TTLL1: variants seen among roughly 807,000 people sequenced by gnomAD.
TTLL1 encodes polyglutamylase complex subunit TTLL1.
In TTLL1, 33 loss-of-function variants were observed where a neutral mutation model predicts 47.8. That is an observed-to-expected ratio of 0.69 (90% CI 0.52 to 0.92). TTLL1 has a LOEUF of 0.92. Ranked by LOEUF, TTLL1 falls within the 40% of genes least tolerant of loss-of-function variation. The probability of loss-of-function intolerance (pLI) is 0.00; values close to 1 mark genes in which losing one functional copy is unlikely to be tolerated. For missense variants in TTLL1, 488 were observed against 547.5 expected (o/e 0.89, Z 1.08); for synonymous variants, 225 against 214.1 (o/e 1.05, Z -0.45).
intron 10 of TTLL1, among the ~76,000 whole-genome samples, chr22:43,040,938 TTC>T (rs1185573314): frequency 6.6e-6 from 1 of 152,142 alleles, no homozygotes; most frequent in Admixed American, 6.5e-5. Flanking sequence ...GGCGGGGCCC[TTC>T]TCTCACGGGG....
At chr22:43,050,663 C>T (rs1926555350) in intron 9 of TTLL1, among the ~76,000 whole-genome samples, 1 of 151,944 alleles carries the variant, frequency 6.6e-6, no homozygotes, top group Non-Finnish European at 1.5e-5. Context: ...GCTGGGATTA[C>T]AGGTGCACAC....
At chr22:43,046,854 A>G (rs1926180470) in intron 9 of TTLL1, among the ~76,000 whole-genome samples, 1 of 152,036 alleles carries the variant, frequency 6.6e-6, no homozygotes, top group African/African-American at 2.4e-5. Flanking sequence ...TATTTTTATT[A>G]GAGATGGGGT....
At chr22:43,060,431 T>G (rs1012932239) in intron 7 of TTLL1, among the ~76,000 whole-genome samples, 41 of 152,170 alleles carry the variant, frequency 2.7e-4, no homozygotes, top group African/African-American at 9.9e-4. Flanking sequence ...GGCAGAGGCC[T>G]CCACTGCAGC....
intron 5 of TTLL1, among the ~76,000 whole-genome samples, chr22:43,064,670 G>A (rs910108543): frequency 1.3e-5 from 2 of 152,180 alleles, no homozygotes; most frequent in Admixed American, 1.3e-4. Context: ...AGGTTGCAGT[G>A]AGCTGAGATG....
chr22:43,055,955 G>A (rs1053591607), intron 8 of TTLL1, among the ~76,000 whole-genome samples: 4 of 151,832 alleles, frequency 2.6e-5, no homozygotes, highest in African/African-American at 9.7e-5. Context: ...ATATTGCCCA[G>A]GCAGGTCTCG....
chr22:43,081,846 C>CT (rs58743481), intron 1 of TTLL1, among the ~76,000 whole-genome samples: 42 of 56,428 alleles, frequency 7.4e-4, no homozygotes, highest in Non-Finnish European at 9.3e-4. Context: ...CACACCTGGC[C>CT]TTTTTTTTTT....
intron 8 of TTLL1, among the ~76,000 whole-genome samples, chr22:43,058,724 C>T (rs756014438): frequency 6.0e-5 from 9 of 150,980 alleles, no homozygotes; most frequent in African/African-American, 1.5e-4. Context: ...GACAGAGTTT[C>T]GCTCCTGTTG....
chr22:43,042,115 G>A (rs912434539), intron 10 of TTLL1, among the ~76,000 whole-genome samples: 2 of 152,158 alleles, frequency 1.3e-5, no homozygotes, highest in African/African-American at 2.4e-5. Flanking sequence ...CCCCGTGTTT[G>A]CTTCCCTGGC....
At chr22:43,082,283 T>C (rs1480569283) in intron 1 of TTLL1, among the ~76,000 whole-genome samples, 2 of 152,138 alleles carry the variant, frequency 1.3e-5, no homozygotes, top group African/African-American at 4.8e-5. Context: ...CTTCCCATTT[T>C]CCATTTTGCC....
At chr22:43,068,663 T>G in intron 4 of TTLL1, 73 bp from the exon 5 acceptor site, 1 of 1,337,362 alleles carries the variant, frequency 7.5e-7, no homozygotes, top group East Asian at 2.6e-5. Context: ...GATCTTGCCC[T>G]TGCCTTTCCA....
rs1167618669 is a variant in TTLL1, at chr22:43,088,324, C to CTTTTTTTTTTTTTTTTTTTT, written c.-90+933_-90+952dup. On this transcript the variant is annotated intron_variant, in intron 1 of 10. Coordinates refer to ENST00000266254, the MANE Select transcript of TTLL1 (RefSeq NM_012263.5). ...AATTTGAGGGCAGAGAAGGGCCCAT[C>CTTTTTTTTTTTTTTTTTTTT]TTTTTTTTTTTTTTTTTTTTTTTTT... 1.6e-4 allele frequency among the ~76,000 whole-genome samples: 9 copies of CTTTTTTTTTTTTTTTTTTTT among 56,490 alleles called. 1 individual carries two copies. The highest frequency in any genetic ancestry group is 6.6e-4 in the African/African-American group (9 of 13,662). The allele number at this position is 56,490 out of a possible 152,430, so 37.1% of individuals were successfully genotyped here.
chr22:43,080,626 C>A (rs974639176), intron 1 of TTLL1, among the ~76,000 whole-genome samples: 1 of 152,112 alleles, frequency 6.6e-6, no homozygotes, highest in African/African-American at 2.4e-5. Flanking sequence ...CTGTGTGCAC[C>A]CTGTGCCCCA....
intron 6 of TTLL1, 118 bp from the exon 7 acceptor site, chr22:43,064,039 C>G (rs926775765): frequency 3.4e-6 from 5 of 1,473,736 alleles, no homozygotes; most frequent in Non-Finnish European, 4.7e-6. Context: ...ACATCGGCAT[C>G]GGGCCTGACT....
intron 9 of TTLL1, among the ~76,000 whole-genome samples, chr22:43,051,403 A>T (rs994903835): frequency 6.6e-6 from 1 of 152,194 alleles, no homozygotes; most frequent in African/African-American, 2.4e-5. Flanking sequence ...TCCTTCCCTC[A>T]GGAGAGTGTG....
chr22:43,054,851 G>A (rs565373071), intron 8 of TTLL1, among the ~76,000 whole-genome samples: 6 of 147,222 alleles, frequency 4.1e-5, no homozygotes, highest in Non-Finnish European at 5.9e-5. Flanking sequence ...TCAGCCTCCC[G>A]AGTAGCTGGG....
chr22:43,074,169 G>A (rs28592776), intron 3 of TTLL1, among the ~76,000 whole-genome samples: 31,396 of 151,474 alleles, frequency 0.21, 4,715 homozygotes, highest in East Asian at 0.69. Flanking sequence ...GCTCACGCCT[G>A]TAATCCTAGC....
chr22:43,046,200 G>A lies in TTLL1; in HGVS notation c.1142+210C>T, dbSNP rs368692735. ...CGTGCCACTGCAACCCAGCCTTGGCGACAGAGTGAGACTCCCTCTCAAAAT... is the reference window on the plus strand; with the variant it reads ...CGTGCCACTGCAACCCAGCCTTGGCAACAGAGTGAGACTCCCTCTCAAAAT... On this transcript the variant is annotated intron_variant, in intron 10 of 10. Transcript: ENST00000266254. Among the ~76,000 whole-genome samples the A allele has an allele frequency of 8.5e-5, 13 of 152,200 alleles. 2 individuals carry two copies. The highest frequency in any genetic ancestry group is 6.6e-5 in the Admixed American group (1 of 15,260).
chr22:43,055,143 C>A (rs1926917187), intron 8 of TTLL1, among the ~76,000 whole-genome samples: 1 of 151,726 alleles, frequency 6.6e-6, no homozygotes, highest in Non-Finnish European at 1.5e-5. Context: ...CCTGCGTCAG[C>A]CTCCCGAGTA....
chr22:43,081,071 A>G (rs7287713), intron 1 of TTLL1, among the ~76,000 whole-genome samples: 48,834 of 150,544 alleles, frequency 0.32, 8,922 homozygotes, highest in Middle Eastern at 0.47. Context: ...GCCCATCACC[A>G]CGCCTGGTTA....
Sources: allele counts gnomAD v4.1 joint callset (sites outside exome capture counted in the v4.1 genomes callset), GRCh38; gene constraint gnomAD v4.1.1; transcripts MANE v1.5; gene names NCBI Gene and HGNC (gene_info 2026-07-23, HGNC 2026-07-21).